DIXDC1: variants seen among roughly 807,000 people sequenced by gnomAD.
The protein encoded by DIXDC1 is DIX domain containing 1.
In DIXDC1, 64 loss-of-function variants were observed where a neutral mutation model predicts 103.1. The observed-to-expected ratio is 0.62, with a 90% CI of 0.51 to 0.76. The LOEUF (loss-of-function observed/expected upper bound fraction) is 0.76, where lower values mean the gene tolerates loss of function less well. DIXDC1 is among the 30% of genes least tolerant of loss of function. The pLI is 0.00. For missense variants in DIXDC1, 759 were observed against 834.2 expected (o/e 0.91, Z 1.11); for synonymous variants, 266 against 298.5 (o/e 0.89, Z 1.12).
chr11:111,950,495 G>A (rs1473273015), intron 1 of DIXDC1, among the ~76,000 whole-genome samples: 4 of 104,844 alleles, frequency 3.8e-5, no homozygotes, highest in South Asian at 4.0e-4. Flanking sequence ...CACTCTTGTC[G>A]CCCAGGCTGG....
rs1860874473 is a variant in DIXDC1, at chr11:111,995,679, G to C, written c.1689+115G>C. Reference sequence around the variant, plus strand: ...AGATACAAGACCCTGTTAAAGGTTAGAGTTGTTTTTCTCTATTGTTTTTTC... The same window carrying C: ...AGATACAAGACCCTGTTAAAGGTTACAGTTGTTTTTCTCTATTGTTTTTTC... On this transcript the variant is annotated intron_variant, in intron 16 of 19. Transcript: ENST00000440460. 6 of 1,355,956 alleles carry C rather than the reference G, an allele frequency of 4.4e-6. No individual in the cohort carries two copies. The East Asian group carries it at 1.4e-4, about 32-fold the overall frequency. The allele number at this position is 1,355,956 out of a possible 1,614,324, so 84.0% of individuals were successfully genotyped here. A position where few individuals can be genotyped will look rare whatever the true frequency, so the allele number is the denominator to read the frequency against.
chr11:111,971,011 C>G (rs587708900), intron 3 of DIXDC1, among the ~76,000 whole-genome samples: 1 of 152,264 alleles, frequency 6.6e-6, no homozygotes, highest in South Asian at 2.1e-4. Flanking sequence ...AGACCTTGAA[C>G]TATAAAAATC....
intron 1 of DIXDC1, among the ~76,000 whole-genome samples, chr11:111,952,115 C>T (rs1966831385): frequency 6.6e-6 from 1 of 152,132 alleles, no homozygotes. Context: ...ATCTGCCCGC[C>T]TCAGCCTCCC....
At chr11:111,986,687 A>G (rs1280262599) in intron 8 of DIXDC1, among the ~76,000 whole-genome samples, 184 bp from the exon 9 acceptor site, 5 of 151,960 alleles carry the variant, frequency 3.3e-5, no homozygotes, top group Non-Finnish European at 1.5e-5. Context: ...TCTAAGCTTT[A>G]TCCATATAGA....
At chr11:111,966,320 T>C (rs1239955650) in intron 2 of DIXDC1, among the ~76,000 whole-genome samples, 1 of 150,072 alleles carries the variant, frequency 6.7e-6, no homozygotes, top group Non-Finnish European at 1.5e-5. Context: ...CCTTCTGGGT[T>C]CAAGCAATTC....
At chr11:112,013,321 T>TGGGGGGGGGGGGG (rs1403269609) in intron 17 of DIXDC1, among the ~76,000 whole-genome samples, 32 of 35,696 alleles carry the variant, frequency 9.0e-4, no homozygotes, top group South Asian at 1.5e-3. Flanking sequence ...GGTCGGGGGG[T>TGGGGGGGGGGGGG]GGGGGTGGGG....
At chr11:112,016,379 C>G (rs934983616) in intron 17 of DIXDC1, among the ~76,000 whole-genome samples, 47 of 152,308 alleles carry the variant, frequency 3.1e-4, no homozygotes, top group African/African-American at 1.1e-3. Context: ...TGTGTCTACC[C>G]TGCCTGGCTG....
At chr11:111,997,678 C>T (rs1555175540) in intron 17 of DIXDC1, among the ~76,000 whole-genome samples, 1 of 151,888 alleles carries the variant, frequency 6.6e-6, no homozygotes, top group East Asian at 1.9e-4. Context: ...TGTAAACTGC[C>T]AATATAAATA....
intron 17 of DIXDC1, among the ~76,000 whole-genome samples, chr11:112,005,657 C>T (rs1861212364): frequency 6.6e-6 from 1 of 152,138 alleles, no homozygotes; most frequent in African/African-American, 2.4e-5. Flanking sequence ...GTGATCACAC[C>T]ACTGCACTCC....
intron 17 of DIXDC1, among the ~76,000 whole-genome samples, chr11:112,003,018 G>T (rs942528534): frequency 2.0e-5 from 3 of 152,168 alleles, no homozygotes; most frequent in Non-Finnish European, 4.4e-5. Flanking sequence ...TTCTCTACCA[G>T]TATGTGGGAG....
Position 111,977,663 on chromosome 11 carries a change from C to G in DIXDC1, c.656+2680C>G, listed in dbSNP as rs1264544497. ...GCTGGCCTTCCCGTGGAGGCGTTTT[C>G]CAGCCCCAGCGCGGGGAGACATGCC... is the stretch of plus-strand genomic sequence containing the variant. On this transcript the variant is annotated intron_variant, in intron 5 of 19. Transcript: ENST00000440460. This position sits in a 1 kb window ranked among gnomAD's most constrained non-coding sequence, Gnocchi z 6.1. The G allele has an allele frequency of 6.5e-7, 1 of 1,546,424 alleles. No homozygotes were observed. Among genetic ancestry groups the G allele is most frequent in the East Asian group, 2.5e-5 (1 of 40,172 alleles).
chr11:111,929,103 TG>T (rs1447172483), intron 1 of DIXDC1, among the ~76,000 whole-genome samples: 2 of 151,788 alleles, frequency 1.3e-5, no homozygotes, highest in African/African-American at 4.8e-5. Context: ...CGCTTGAACC[TG>T]GGAGGCAGAG....
intron 1 of DIXDC1, among the ~76,000 whole-genome samples, chr11:111,944,169 T>A (rs1966517264): frequency 1.3e-5 from 2 of 152,094 alleles, no homozygotes; most frequent in Admixed American, 1.3e-4. Context: ...TGCTGGAGGG[T>A]CTCAGAGTTC....
At chr11:111,960,071 G>A (rs1555170923) in intron 1 of DIXDC1, among the ~76,000 whole-genome samples, 3 of 151,736 alleles carry the variant, frequency 2.0e-5, no homozygotes, top group Non-Finnish European at 1.5e-5. Context: ...CACCACACCC[G>A]GCTAATTTTT....
At chr11:111,943,489 T>C (rs587771246) in intron 1 of DIXDC1, among the ~76,000 whole-genome samples, 49 of 123,744 alleles carry the variant, frequency 4.0e-4, no homozygotes, top group African/African-American at 1.1e-3. Flanking sequence ...CTTTCTCTCT[T>C]TTTTTTTTTT....
Position 112,016,687 on chromosome 11 carries a change from G to A in DIXDC1, c.1757-4G>A, listed in dbSNP as rs781900080. 1.0e-5 allele frequency: 16 copies of A among 1,591,000 alleles called. No individual in the cohort carries two copies. The African/African-American group carries it at 1.5e-4, about 15-fold the overall frequency. On this transcript the variant is annotated splice_region_variant and splice_polypyrimidine_tract_variant and intron_variant, in intron 17 of 19. Coordinates refer to ENST00000440460, the MANE Select transcript of DIXDC1 (RefSeq NM_001037954.4). ...TTCTAACCACAGTCTCTTTCTGATT[G>A]TAGAGTTGCCTCACTCACAGAGCTC...
At chr11:111,931,322 G>A (rs1468682200) in intron 2 of DIXDC1, among the ~76,000 whole-genome samples, 1 of 151,972 alleles carries the variant, frequency 6.6e-6, no homozygotes, top group South Asian at 2.1e-4. Flanking sequence ...CTGGGCAATA[G>A]AGTGAGACAC....
intron 1 of DIXDC1, among the ~76,000 whole-genome samples, chr11:111,941,596 G>T (rs2137444765): frequency 6.6e-6 from 1 of 152,062 alleles, no homozygotes; most frequent in South Asian, 2.1e-4. Flanking sequence ...CAGGAGGATG[G>T]CTTGAGCCCG....
At chr11:112,015,353 A>G (rs587685544) in intron 17 of DIXDC1, 65 of 152,322 alleles carry the variant, frequency 4.3e-4, no homozygotes, top group African/African-American at 1.4e-3. Flanking sequence ...GAATGCCTAG[A>G]ATAAGTTAAG....
Sources: gnomAD v4.1 joint callset for allele counts (sites outside exome capture counted in the v4.1 genomes callset) on GRCh38, gnomAD v4.1.1 for gene constraint, Gnocchi (gnomAD v3.1) non-coding constraint, MANE v1.5 for transcripts, NCBI Gene and HGNC (gene_info 2026-07-23, HGNC 2026-07-21) for gene names.